Variants in GRM5 observed in about 807,000 individuals in gnomAD.
GRM5 encodes the protein metabotropic glutamate receptor 5.
GRM5 carries 19 observed loss-of-function variants against 83.1 expected under a neutral mutation model. The observed-to-expected ratio is 0.23, with a 90% CI of 0.16 to 0.34. The LOEUF is 0.34. Ranked by LOEUF, GRM5 falls within the 10% of genes least tolerant of loss-of-function variation. GRM5 has a pLI of 1.00. For synonymous variants in GRM5, 675 were observed against 633.6 expected (o/e 1.07, Z -0.98); for missense variants, 1,160 against 1,588.3 (o/e 0.73, Z 4.58).
intron 3 of GRM5, among the ~76,000 whole-genome samples, chr11:88,654,172 A>G (rs1332921678): frequency 6.6e-6 from 1 of 152,152 alleles, no homozygotes; most frequent in South Asian, 2.1e-4. Flanking sequence ...ACTCAAAGTT[A>G]TTTAGGAATT....
chr11:88,853,743 G>A (rs1230908969), intron 2 of GRM5, among the ~76,000 whole-genome samples: 1 of 151,440 alleles, frequency 6.6e-6, no homozygotes, highest in Non-Finnish European at 1.5e-5. Context: ...GTCATTGAAA[G>A]GAGAGAGTTG....
intron 4 of GRM5, among the ~76,000 whole-genome samples, chr11:88,640,458 A>G (rs963492262): frequency 6.6e-6 from 1 of 152,176 alleles, no homozygotes; most frequent in African/African-American, 2.4e-5. Flanking sequence ...GGTTTTCTCC[A>G]TGAATAAGCA....
chr11:89,053,964 G>C lies in GRM5; in HGVS notation c.-200-5892C>G, dbSNP rs571581641. 1.9e-3 allele frequency among the ~76,000 whole-genome samples: 282 copies of C among 152,098 alleles called. 1 individual carries two copies. Among genetic ancestry groups the C allele is most frequent in the African/African-American group, 6.7e-3 (277 of 41,506 alleles). On this transcript the variant is annotated intron_variant, in intron 1 of 9. Coordinates refer to ENST00000305447, the MANE Select transcript of GRM5 (RefSeq NM_001143831.3). ...AAAAGTTAAAATGCAGAGAAAGGAAGACATGGAGAACAAGAGGTAATGTGG... is the reference window on the plus strand; with the variant it reads ...AAAAGTTAAAATGCAGAGAAAGGAACACATGGAGAACAAGAGGTAATGTGG...
intron 6 of GRM5, among the ~76,000 whole-genome samples, chr11:88,595,696 G>A (rs1937779327): frequency 6.6e-6 from 1 of 152,152 alleles, no homozygotes; most frequent in African/African-American, 2.4e-5. Context: ...AGGCCCAGAT[G>A]AAGGGTGAAC....
chr11:88,528,608 A>T (rs1941934852), intron 8 of GRM5, among the ~76,000 whole-genome samples: 2 of 152,038 alleles, frequency 1.3e-5, no homozygotes, highest in African/African-American at 4.8e-5. Context: ...TTTACATAAT[A>T]AATTTATATA....
chr11:89,036,190 C>G (rs1270030990), intron 2 of GRM5, among the ~76,000 whole-genome samples: 2 of 152,066 alleles, frequency 1.3e-5, no homozygotes, highest in African/African-American at 2.4e-5. Flanking sequence ...CCTTGCTCAT[C>G]TTACCACAGC....
At chr11:88,705,706 A>T (rs751775808) in intron 3 of GRM5, among the ~76,000 whole-genome samples, 3 of 151,216 alleles carry the variant, frequency 2.0e-5, no homozygotes, top group Non-Finnish European at 4.4e-5. Context: ...CATCTTCCAC[A>T]CACTTGCCAA....
At chr11:88,527,809 A>G (rs1941914416) in intron 8 of GRM5, among the ~76,000 whole-genome samples, 7 of 152,168 alleles carry the variant, frequency 4.6e-5, no homozygotes, top group Admixed American at 3.9e-4. Context: ...ACAGGAGGGC[A>G]TTATCCTAAC....
intron 3 of GRM5, among the ~76,000 whole-genome samples, chr11:88,764,435 A>G (rs1255188251): frequency 6.6e-6 from 1 of 151,728 alleles, no homozygotes; most frequent in Non-Finnish European, 1.5e-5. Flanking sequence ...CATTTTCCAG[A>G]ATAAAATACA....
At chr11:89,048,990 CT>C (rs1403683972) in intron 1 of GRM5, among the ~76,000 whole-genome samples, 1 of 152,108 alleles carries the variant, frequency 6.6e-6, no homozygotes, top group Non-Finnish European at 1.5e-5. Context: ...TTAAAAAGTG[CT>C]ATATATATTC....
At chr11:88,561,981 C>T (rs1458891877) in intron 8 of GRM5, among the ~76,000 whole-genome samples, 1 of 152,084 alleles carries the variant, frequency 6.6e-6, no homozygotes. Context: ...TTTGCTTCGT[C>T]TAGCCCCCTT....
chr11:88,515,927 T>C (rs1485267324), intron 9 of GRM5, among the ~76,000 whole-genome samples: 4 of 152,198 alleles, frequency 2.6e-5, no homozygotes, highest in Non-Finnish European at 5.9e-5. Context: ...CCTGGAATGG[T>C]AATAGTTTCC....
At chr11:88,973,980 T>G (rs572914365) in intron 2 of GRM5, among the ~76,000 whole-genome samples, 184 of 152,266 alleles carry the variant, frequency 1.2e-3, no homozygotes, top group African/African-American at 4.4e-3. Flanking sequence ...GATCAACACT[T>G]TCTAGAGGGA....
At chr11:88,996,119 C>A (rs1940178175) in intron 2 of GRM5, among the ~76,000 whole-genome samples, 2 of 152,142 alleles carry the variant, frequency 1.3e-5, no homozygotes, top group Non-Finnish European at 2.9e-5. Flanking sequence ...TTAATTATCA[C>A]CCAACGTATT....
chr11:88,925,104 T>C (rs1274942840), intron 2 of GRM5, among the ~76,000 whole-genome samples: 6 of 152,040 alleles, frequency 3.9e-5, no homozygotes, highest in Non-Finnish European at 8.8e-5. Flanking sequence ...GAAACATAGA[T>C]AGATACCAAA....
intron 3 of GRM5, among the ~76,000 whole-genome samples, chr11:88,816,183 G>A (rs1396719676): frequency 7.8e-6 from 1 of 128,798 alleles, no homozygotes; most frequent in East Asian, 2.2e-4. Flanking sequence ...ACTGCAGTCC[G>A]CAGTCCGGCC....
At chr11:88,903,517 T>C (rs532800878) in intron 2 of GRM5, among the ~76,000 whole-genome samples, 32 of 152,114 alleles carry the variant, frequency 2.1e-4, no homozygotes, top group Non-Finnish European at 4.7e-4. Flanking sequence ...CAAGAGATGA[T>C]TGGATAAAGA....
chr11:89,031,357 T>C (rs1345302779), intron 2 of GRM5, among the ~76,000 whole-genome samples: 1 of 152,016 alleles, frequency 6.6e-6, no homozygotes, highest in Non-Finnish European at 1.5e-5. Context: ...TTGATTATTT[T>C]TGTTTTTGTT....
At chr11:88,913,583 C>G (rs1480872259) in intron 2 of GRM5, among the ~76,000 whole-genome samples, 2 of 122,870 alleles carry the variant, frequency 1.6e-5, no homozygotes, top group African/African-American at 3.1e-5. Context: ...CCTTCTCTCT[C>G]TCTCTTTTTT....
Sources: allele counts gnomAD v4.1 joint callset (sites outside exome capture counted in the v4.1 genomes callset), GRCh38; gene constraint gnomAD v4.1.1; transcripts MANE v1.5; gene names NCBI Gene and HGNC (gene_info 2026-07-23, HGNC 2026-07-21).